The following LRRC37A2 variants were observed in gnomAD, a reference collection of about 807,000 sequenced individuals.
LRRC37A2 encodes the protein leucine-rich repeat-containing protein 37A2.
Under a neutral mutation model 68.8 loss-of-function variants are expected in LRRC37A2, and 9 were observed. The observed-to-expected ratio is 0.13, with a 90% CI of 0.08 to 0.23. The LOEUF (loss-of-function observed/expected upper bound fraction) is 0.23, where lower values mean the gene tolerates loss of function less well. LRRC37A2 is among the 10% of genes least tolerant of loss of function. LRRC37A2 has a pLI of 1.00. For missense variants in LRRC37A2, 168 were observed against 950.4 expected, an observed-to-expected ratio of 0.18 and a Z score of 10.82; for synonymous variants, 63 against 367.6, an observed-to-expected ratio of 0.17 and a Z score of 9.48.
chr17:46,795,597 T>C, the LRRC37A2 span, among the ~76,000 whole-genome samples: 3 of 152,168 alleles, frequency 2.0e-5, no homozygotes, highest in Admixed American at 1.3e-4. Flanking sequence ...ACCACAGGTG[T>C]CCAGCCTGCA....
chr17:46,870,153 C>T, the LRRC37A2 span, among the ~76,000 whole-genome samples: 19 of 152,320 alleles, frequency 1.2e-4, no homozygotes, highest in Non-Finnish European at 2.4e-4. Context: ...TCCCTGCTTG[C>T]TCTCCCCTCT....
the LRRC37A2 span, among the ~76,000 whole-genome samples, chr17:46,983,827 G>A: frequency 0.7 from 106,486 of 152,122 alleles, 37,893 homozygotes; most frequent in Middle Eastern, 0.78. Flanking sequence ...TGAGGTTGCC[G>A]TCAGGATGTT....
chr17:46,636,080 T>C, the LRRC37A2 span, among the ~76,000 whole-genome samples: 1 of 43,784 alleles, frequency 2.3e-5, no homozygotes, highest in Non-Finnish European at 4.7e-5. Context: ...GGGAAATGCT[T>C]CTTTGTAATT....
At chr17:46,939,438 G>T in the LRRC37A2 span, 1 of 992,288 alleles carries the variant, frequency 1.0e-6, no homozygotes, top group Non-Finnish European at 1.2e-6. Flanking sequence ...TTTCCCGGGA[G>T]TGTTCAGTCT....
the LRRC37A2 span, chr17:46,886,639 G>C: frequency 6.6e-6 from 1 of 152,236 alleles, no homozygotes; most frequent in East Asian, 1.9e-4. Context: ...AATACTGCGT[G>C]ATCATGTTGC....
At chr17:46,890,516 G>T in the LRRC37A2 span, among the ~76,000 whole-genome samples, 37 of 152,284 alleles carry the variant, frequency 2.4e-4, no homozygotes, top group East Asian at 6.8e-3. Context: ...TACTGGTGTC[G>T]TGTGACAGCA....
At chr17:46,688,313 C>A in the LRRC37A2 span, among the ~76,000 whole-genome samples, 1 of 150,290 alleles carries the variant, frequency 6.7e-6, no homozygotes, top group Non-Finnish European at 1.5e-5. Context: ...GAGTTCAAGA[C>A]CAGCCTGGGC....
chr17:46,837,270 GT>G, the LRRC37A2 span, among the ~76,000 whole-genome samples: 161 of 152,244 alleles, frequency 1.1e-3, 1 homozygote, highest in Middle Eastern at 0.014. Context: ...CATGATATTT[GT>G]TTTGCCCCCT....
At chr17:46,809,920 A>C in the LRRC37A2 span, among the ~76,000 whole-genome samples, 18 of 152,124 alleles carry the variant, frequency 1.2e-4, no homozygotes, top group African/African-American at 4.3e-4. Context: ...CCTCAAGCTC[A>C]GAGGCTCAGG....
At chr17:46,727,263 G>A in the LRRC37A2 span, among the ~76,000 whole-genome samples, 1 of 152,116 alleles carries the variant, frequency 6.6e-6, no homozygotes, top group Non-Finnish European at 1.5e-5. Context: ...ACTTGGTCCT[G>A]GCACTTAACT....
At chr17:46,853,177 G>A in the LRRC37A2 span, among the ~76,000 whole-genome samples, 1 of 151,994 alleles carries the variant, frequency 6.6e-6, no homozygotes, top group African/African-American at 2.4e-5. Flanking sequence ...CAGACTCTGG[G>A]GTCAGTCTTG....
At chr17:46,911,056 G>A in the LRRC37A2 span, among the ~76,000 whole-genome samples, 1 of 152,222 alleles carries the variant, frequency 6.6e-6, no homozygotes, top group Non-Finnish European at 1.5e-5. Context: ...GAGGGAAATG[G>A]CCAGGAGCAC....
the LRRC37A2 span, among the ~76,000 whole-genome samples, chr17:47,025,892 T>G: frequency 8.2e-6 from 1 of 121,756 alleles, no homozygotes; most frequent in Non-Finnish European, 1.7e-5. Context: ...TTCTACTCAC[T>G]CCCCCCTATT....
At chr17:46,720,052 C>T in the LRRC37A2 span, among the ~76,000 whole-genome samples, 2 of 152,194 alleles carry the variant, frequency 1.3e-5, no homozygotes, top group Admixed American at 6.5e-5. Flanking sequence ...AGAACAGAAT[C>T]GTGATGCCTA....
chr17:46,679,640 C>A, the LRRC37A2 span, among the ~76,000 whole-genome samples: 3 of 130,258 alleles, frequency 2.3e-5, no homozygotes, highest in African/African-American at 2.9e-5. Flanking sequence ...TGCAGTGAGC[C>A]AAGATCGTGC....
the LRRC37A2 span, among the ~76,000 whole-genome samples, chr17:46,827,733 G>A: frequency 1.3e-5 from 2 of 152,202 alleles, no homozygotes; most frequent in East Asian, 1.9e-4. Context: ...TACAAGGTGA[G>A]TTGCTTTTAC....
the LRRC37A2 span, among the ~76,000 whole-genome samples, chr17:46,953,927 T>G: frequency 2.0e-5 from 3 of 152,178 alleles, no homozygotes; most frequent in African/African-American, 4.8e-5. Context: ...TGTAGATTCT[T>G]GATATTAGCC....
At chr17:46,807,507 A>G in the LRRC37A2 span, among the ~76,000 whole-genome samples, 1 of 152,232 alleles carries the variant, frequency 6.6e-6, no homozygotes, top group Non-Finnish European at 1.5e-5. Context: ...AACAGAAAAA[A>G]AAGAAACAGA....
the LRRC37A2 span, among the ~76,000 whole-genome samples, chr17:46,803,082 T>C: frequency 2.0e-5 from 3 of 152,164 alleles, no homozygotes; most frequent in African/African-American, 4.8e-5. Context: ...ATCATCAGAA[T>C]TGAATTGGAT....
Sources: gnomAD v4.1 joint callset for allele counts (sites outside exome capture counted in the v4.1 genomes callset) on GRCh38, gnomAD v4.1.1 for gene constraint, MANE v1.5 for transcripts, NCBI Gene and HGNC (gene_info 2026-07-23, HGNC 2026-07-21) for gene names.